Variants in HARS1 observed in about 807,000 individuals in gnomAD.
HARS1 encodes the protein histidine--tRNA ligase, cytoplasmic.
A neutral mutation model predicts 63.6 loss-of-function variants in HARS1; 45 were observed. The ratio of observed to expected loss-of-function variants is 0.71; its 90% CI spans 0.56 to 0.91. The LOEUF is 0.91. Among genes scored for constraint, HARS1 ranks in the 40% least tolerant of loss-of-function variants. The pLI is 0.00. For missense variants in HARS1, 508 were observed against 643.2 expected, an observed-to-expected ratio of 0.79 and a Z score of 2.27; for synonymous variants, 205 against 247.1, an observed-to-expected ratio of 0.83 and a Z score of 1.60.
At chr5:140,684,280 ACT>A in intron 2 of HARS1, 3 of 831,890 alleles carry the variant, frequency 3.6e-6, no homozygotes, top group Non-Finnish European at 4.3e-6. Flanking sequence ...ACAGAGCAAG[ACT>A]CTGTCAAAAC....
intron 5 of HARS1, 177 bp downstream of exon 5, chr5:140,678,825 C>G: frequency 1.7e-6 from 1 of 581,744 alleles, no homozygotes; most frequent in South Asian, 2.2e-5. Flanking sequence ...GCTTGGGCAA[C>G]AGAGCGAGAC....
chr5:140,677,251 A>G (rs990231221), intron 8 of HARS1, 76 bp downstream of exon 8: 4 of 1,390,540 alleles, frequency 2.9e-6, no homozygotes, highest in African/African-American at 1.4e-5. Context: ...CCCTACATAC[A>G]TAACACAGAA....
intron 3 of HARS1, among the ~76,000 whole-genome samples, chr5:140,681,426 A>G (rs1758723822): frequency 6.6e-6 from 1 of 152,102 alleles, no homozygotes; most frequent in Non-Finnish European, 1.5e-5. Context: ...GCACTTTGGG[A>G]GGCTGGGGTG....
chr5:140,679,802 G>A lies in HARS1; in HGVS notation c.382C>T (p.Arg128Cys), dbSNP rs138582560. ...TAGAAAGATACAGTGAGGTCATAGCGAAGGGACAGGAGCTCCCCGCCCTGG... is the reference window on the plus strand; with the variant it reads ...TAGAAAGATACAGTGAGGTCATAGCAAAGGGACAGGAGCTCCCCGCCCTGG... ...KDQGGELLSL[R>C]YDLTVPFARY... Residue 128 changes from arginine (R) to cysteine (C), a missense_variant, in exon 4 of 13, where the codon CGC becomes TGC. Physicochemically the swap from Arg to Cys is radical, Grantham distance 180. This residue lies in a region of HARS1 where 403 missense variants were observed against 548.7 expected (regional missense o/e 0.73). Coordinates refer to ENST00000504156, the MANE Select transcript of HARS1 (RefSeq NM_002109.6). This position sits in a 1 kb window ranked among gnomAD's most constrained non-coding sequence, Gnocchi z 4.3. 4.2e-4 allele frequency: 666 copies of A among 1,594,074 alleles called. No homozygotes were observed. Among genetic ancestry groups the A allele is most frequent in the Non-Finnish European group, 5.1e-4 (590 of 1,162,534 alleles).
intron 2 of HARS1, among the ~76,000 whole-genome samples, chr5:140,689,074 C>T (rs558599397): frequency 6.6e-6 from 1 of 152,308 alleles, no homozygotes; most frequent in Admixed American, 6.5e-5. Flanking sequence ...TGATGATCAC[C>T]ACTTTGGGAT....
chr5:140,689,784 G>T (rs1348107731), intron 2 of HARS1, among the ~76,000 whole-genome samples: 2 of 152,180 alleles, frequency 1.3e-5, no homozygotes, highest in Non-Finnish European at 2.9e-5. Context: ...AAATATGTAT[G>T]AAGTGCCAAG....
rs1299538661 is a variant in HARS1 at position 140,677,768 on chromosome 5, T to C, written c.631-15A>G. ...CGATCGTTTACCTGCAAGGAACCAA[T>C]GCATAGTGAGGGGGGAATCTCTTTT... On this transcript the variant is annotated splice_polypyrimidine_tract_variant and intron_variant, in intron 6 of 12. Coordinates refer to ENST00000504156, the MANE Select transcript of HARS1 (RefSeq NM_002109.6). 5 of 1,555,516 alleles carry C rather than the reference T, an allele frequency of 3.2e-6. No individual in the cohort carries two copies. The highest frequency in any genetic ancestry group is 1.4e-5 in the African/African-American group (1 of 73,074).
At chr5:140,686,747 T>C (rs1442980740) in intron 2 of HARS1, among the ~76,000 whole-genome samples, 1 of 151,622 alleles carries the variant, frequency 6.6e-6, no homozygotes, top group Non-Finnish European at 1.5e-5. Flanking sequence ...ATTACAAGCA[T>C]GCGCCACCAC....
chr5:140,675,048 A>T lies in HARS1; in HGVS notation c.1280T>A (p.Leu427His). The T allele has an allele frequency of 6.2e-7, 1 of 1,613,082 alleles. No homozygotes were observed. The highest frequency in any genetic ancestry group is 8.5e-7 in the Non-Finnish European group (1 of 1,179,184). Reference protein sequence around the residue: ...QKKLLEERLKLVSELWDAGIK... With the variant: ...QKKLLEERLKHVSELWDAGIK... ...CCCAGCATCCCACAGTTCTGAGACA[A>T]GCTTTAGTCTTTCCTCTAGCAGCTT... The change falls in exon 11 of 13, where the codon CTT (leucine) becomes CAT (histidine). Residue 427 changes from leucine to histidine, a missense_variant. Leu to His is a moderately conservative substitution (Grantham distance 99, BLOSUM62 -3). Around this residue, in one of 2 missense-constraint regions of HARS1, gnomAD observed 403 missense variants for 548.7 expected, o/e 0.73. Coordinates refer to ENST00000504156, the MANE Select transcript of HARS1 (RefSeq NM_002109.6).
chr5:140,681,721 G>A (rs1441838658), intron 3 of HARS1, among the ~76,000 whole-genome samples: 2 of 151,758 alleles, frequency 1.3e-5, no homozygotes, highest in Non-Finnish European at 2.9e-5. Context: ...ATGGAGAGAG[G>A]CCTGGAACAG....
chr5:140,679,449 TTC>T lies in HARS1; in HGVS notation c.397-324_397-323del. On this transcript the variant is annotated intron_variant, in intron 4 of 12. Coordinates refer to ENST00000504156, the MANE Select transcript of HARS1 (RefSeq NM_002109.6). This position sits in a 1 kb window ranked among gnomAD's most constrained non-coding sequence, Gnocchi z 4.3. ...CCATATGGGATTTCTAAGCAGATGATTCTCTGTGTAGCTTGGAGACAAGGGAA... is the reference window on the plus strand; with the variant it reads ...CCATATGGGATTTCTAAGCAGATGATTCTGTGTAGCTTGGAGACAAGGGAA... 2.5e-6 allele frequency: 1 copy of T among 406,690 alleles called. No individual in the cohort carries two copies. Among genetic ancestry groups the T allele is most frequent in the Non-Finnish European group, 4.4e-6 (1 of 228,304 alleles). 25.2% of individuals were successfully genotyped at this position (406,690 alleles called of 1,614,324 possible).
intron 2 of HARS1, among the ~76,000 whole-genome samples, chr5:140,688,532 A>G (rs1759186138): frequency 1.3e-5 from 2 of 152,026 alleles, no homozygotes; most frequent in Admixed American, 6.6e-5. Context: ...ACTAACAGCA[A>G]CTCCTTAATA....
In HARS1 at chr5:140,676,648, AC is replaced by A; in HGVS notation, c.1194+5del. On this transcript the variant is annotated splice_donor_5th_base_variant and intron_variant, in intron 10 of 12. Coordinates refer to ENST00000504156, the MANE Select transcript of HARS1 (RefSeq NM_002109.6). The surrounding 1 kb of genome is among the most constrained non-coding windows in gnomAD (Gnocchi z 4.1). ...GACTATCTTCTACCTACCTCCTAGG[AC>A]CTACCTCTAGTCTCTGTTCCACGAT... 1 of 1,613,982 alleles carries A rather than the reference AC, an allele frequency of 6.2e-7. No homozygotes were observed. Among genetic ancestry groups the A allele is most frequent in the Non-Finnish European group, 8.5e-7 (1 of 1,179,860 alleles).
Position 140,683,161 on chromosome 5 carries a change from A to T in HARS1, c.239T>A (p.Ile80Asn). The change falls in exon 3 of 13, where the codon ATC becomes AAC. Residue 80 changes from isoleucine to asparagine, a missense_variant. By Grantham distance (149) the Ile-to-Asn change is moderately radical. Transcript: ENST00000504156. ...ACCGTGGCGCTTGAAGCAACGGATGATTACGTCAAACACCTTCTCGCGAAC... is the reference window on the plus strand; with the variant it reads ...ACCGTGGCGCTTGAAGCAACGGATGTTTACGTCAAACACCTTCTCGCGAAC... ...MAVREKVFDV[I>N]IRCFKRHGAE... The T allele has an allele frequency of 6.2e-7, 1 of 1,613,818 alleles. No homozygotes were observed. Among genetic ancestry groups the T allele is most frequent in the Non-Finnish European group, 8.5e-7 (1 of 1,179,646 alleles).
chr5:140,677,336 G>A lies in HARS1; in HGVS notation c.814C>T (p.Gln272Ter), dbSNP rs1474277005. ...EVADRIGDYV[Q>*]QHGGVSLVEQ... is the part of the protein sequence containing the mutation. ...TGGTTCTGTTCCTCACCATGTTGCT[G>A]GACATAGTCCCCAATGCGGTCAGCC... The change falls in exon 8 of 13, where the codon CAG becomes TAG. Residue 272 changes from glutamine to a stop codon, truncating the protein, a stop_gained. Coordinates refer to ENST00000504156, the MANE Select transcript of HARS1 (RefSeq NM_002109.6). LOFTEE classifies it high-confidence loss of function. 2 of 1,610,050 alleles carry A rather than the reference G, an allele frequency of 1.2e-6. No individual in the cohort carries two copies. Among genetic ancestry groups the A allele is most frequent in the Admixed American group, 1.7e-5 (1 of 60,006 alleles).
Position 140,677,087 on chromosome 5 carries a change from G to A in HARS1, c.853C>T (p.Gln285Ter). ...TTGTTTTGGGATAGTTTAGGATCCT[G>A]GAGCAGCTGTTCCACCAGGGATACC... ...GGVSLVEQLL[Q>*]DPKLSQNKQA... The change falls in exon 9 of 13, where the codon CAG becomes TAG. Residue 285 changes from glutamine to a stop codon, truncating the protein, a stop_gained. Coordinates refer to ENST00000504156, the MANE Select transcript of HARS1 (RefSeq NM_002109.6). LOFTEE classifies it high-confidence loss of function. 1 of 1,614,086 alleles carries A rather than the reference G, an allele frequency of 6.2e-7. No individual in the cohort carries two copies.
intron 2 of HARS1, chr5:140,684,320 C>A (rs905356675): frequency 5.1e-6 from 5 of 976,988 alleles, no homozygotes; most frequent in Non-Finnish European, 6.1e-6. Flanking sequence ...CAAACCCAAC[C>A]AAACAAACAA....
At chr5:140,680,950 T>G (rs1276268012) in intron 3 of HARS1, among the ~76,000 whole-genome samples, 1 of 152,066 alleles carries the variant, frequency 6.6e-6, no homozygotes, top group Non-Finnish European at 1.5e-5. Flanking sequence ...TAGGAATAGG[T>G]TATCAGACCA....
intron 2 of HARS1, chr5:140,683,528 C>A: frequency 9.1e-7 from 1 of 1,104,634 alleles, no homozygotes; most frequent in Non-Finnish European, 1.1e-6. Context: ...ATTTCCTGGC[C>A]TAATAACAAA....
Sources: allele counts gnomAD v4.1 joint callset (sites outside exome capture counted in the v4.1 genomes callset), GRCh38; gene constraint gnomAD v4.1.1; regional missense constraint gnomAD v4.1.1; non-coding constraint Gnocchi (gnomAD v3.1); transcripts MANE v1.5; gene names NCBI Gene and HGNC (gene_info 2026-07-23, HGNC 2026-07-21).